NTNG1: variants seen among roughly 807,000 people sequenced by gnomAD.
NTNG1 encodes the protein netrin G1, also known as netrin-G1.
Under a neutral mutation model 54.0 loss-of-function variants are expected in NTNG1, and 16 were observed. The observed-to-expected ratio is 0.30, with a 90% confidence interval of 0.20 to 0.45. The LOEUF is 0.45. Ranked by LOEUF, NTNG1 falls within the 20% of genes least tolerant of loss-of-function variation. NTNG1 has a pLI of 1.00. For synonymous variants in NTNG1, 255 were observed against 263.1 expected, an observed-to-expected ratio of 0.97 and a Z score of 0.30; for missense variants, 530 against 678.7, an observed-to-expected ratio of 0.78 and a Z score of 2.43.
intron 2 of NTNG1, among the ~76,000 whole-genome samples, chr1:107,153,391 ATCT>A (rs1654735130): frequency 6.6e-6 from 1 of 152,224 alleles, no homozygotes; most frequent in Non-Finnish European, 1.5e-5. Context: ...TAATCAAATA[ATCT>A]TAAAAATACA....
intron 3 of NTNG1, among the ~76,000 whole-genome samples, chr1:107,389,522 G>A (rs2101066274): frequency 6.6e-6 from 1 of 152,308 alleles, no homozygotes; most frequent in East Asian, 1.9e-4. Flanking sequence ...AGATTAAATT[G>A]ACTCATGACA....
chr1:107,243,775 C>T (rs920809159), intron 2 of NTNG1, among the ~76,000 whole-genome samples: 2 of 151,504 alleles, frequency 1.3e-5, no homozygotes, highest in East Asian at 3.9e-4. Flanking sequence ...TGAGAGTTTT[C>T]GTTTTTTTTT....
chr1:107,280,209 A>G (rs1450963407), intron 2 of NTNG1, among the ~76,000 whole-genome samples: 2 of 121,978 alleles, frequency 1.6e-5, no homozygotes, highest in Admixed American at 9.9e-5. Flanking sequence ...GGGCCTCTCA[A>G]TCTGAAGGTT....
At chr1:107,389,491 G>A (rs1388063699) in intron 3 of NTNG1, among the ~76,000 whole-genome samples, 2 of 152,222 alleles carry the variant, frequency 1.3e-5, no homozygotes, top group Non-Finnish European at 2.9e-5. Flanking sequence ...AGAACTAAAT[G>A]TTGGAGCATT....
At chr1:107,361,410 A>G (rs1363944735) in intron 3 of NTNG1, among the ~76,000 whole-genome samples, 1 of 65,534 alleles carries the variant, frequency 1.5e-5, no homozygotes, top group South Asian at 4.0e-4. Context: ...TTTTTTTGAG[A>G]CACAGTTTCG....
At chr1:107,261,581 C>T (rs1192959653) in intron 2 of NTNG1, among the ~76,000 whole-genome samples, 2 of 152,214 alleles carry the variant, frequency 1.3e-5, no homozygotes, top group African/African-American at 4.8e-5. Context: ...CGGTGGCTCA[C>T]GCCTGTAATC....
intron 5 of NTNG1, among the ~76,000 whole-genome samples, chr1:107,428,029 A>C (rs1675011429): frequency 6.6e-6 from 1 of 152,108 alleles, no homozygotes; most frequent in South Asian, 2.1e-4. Flanking sequence ...ACTCAGATAA[A>C]GTTTTATCAG....
chr1:107,471,711 A>G (rs1677992671), intron 7 of NTNG1, among the ~76,000 whole-genome samples: 1 of 152,212 alleles, frequency 6.6e-6, no homozygotes. Context: ...TTTTGACCCC[A>G]TGCTTGCTCA....
intron 2 of NTNG1, among the ~76,000 whole-genome samples, chr1:107,287,882 A>G (rs1665299261): frequency 6.6e-6 from 1 of 152,152 alleles, no homozygotes; most frequent in Non-Finnish European, 1.5e-5. Flanking sequence ...ATATAAGGTA[A>G]TATAAGATAA....
Position 107,227,844 on chromosome 1 carries a change from T to A in NTNG1, c.246+79005T>A, listed in dbSNP as rs140138030. ...ATCTCATTCAAAGATACTTTTTCAC[T>A]GAAATTTCAACAGAACGTCATTGTG... On this transcript the variant is annotated intron_variant, in intron 2 of 7. Transcript: ENST00000370068. Among the ~76,000 whole-genome samples the A allele has an allele frequency of 3.7e-3, 563 of 152,280 alleles. 4 individuals are homozygous for A. The highest frequency in any genetic ancestry group is 0.02 in the South Asian group (96 of 4,828).
intron 2 of NTNG1, among the ~76,000 whole-genome samples, chr1:107,236,820 G>T (rs142182716): frequency 4.6e-5 from 7 of 152,060 alleles, no homozygotes; most frequent in Non-Finnish European, 8.8e-5. Flanking sequence ...GCCTTCTGCC[G>T]TAATTGTGAG....
At chr1:107,478,241 G>A (rs894956547) in intron 7 of NTNG1, among the ~76,000 whole-genome samples, 1 of 152,184 alleles carries the variant, frequency 6.6e-6, no homozygotes, top group African/African-American at 2.4e-5. Context: ...ACACAATCAA[G>A]AGACCAAATG....
At chr1:107,470,405 T>C (rs1677906758) in intron 7 of NTNG1, among the ~76,000 whole-genome samples, 1 of 152,228 alleles carries the variant, frequency 6.6e-6, no homozygotes, top group African/African-American at 2.4e-5. Context: ...TTAAAATTAC[T>C]AAAGTTTATT....
intron 3 of NTNG1, among the ~76,000 whole-genome samples, chr1:107,393,063 A>G (rs1214350022): frequency 6.6e-6 from 1 of 152,224 alleles, no homozygotes; most frequent in Non-Finnish European, 1.5e-5. Context: ...TTCAAAGAAT[A>G]TCTTCTCAGC....
intron 2 of NTNG1, among the ~76,000 whole-genome samples, chr1:107,247,651 G>A (rs997136068): frequency 2.0e-5 from 3 of 152,022 alleles, no homozygotes; most frequent in South Asian, 2.1e-4. Context: ...TTTCTTTGTC[G>A]GGTTCCTGAA....
chr1:107,333,345 T>C (rs1668391451), intron 3 of NTNG1, among the ~76,000 whole-genome samples: 1 of 151,998 alleles, frequency 6.6e-6, no homozygotes, highest in Non-Finnish European at 1.5e-5. Flanking sequence ...TTATACTATT[T>C]TACTGTTTCT....
At chr1:107,211,733 T>A (rs1456069911) in intron 2 of NTNG1, among the ~76,000 whole-genome samples, 2 of 152,180 alleles carry the variant, frequency 1.3e-5, no homozygotes, top group Non-Finnish European at 2.9e-5. Context: ...CCAGTACATT[T>A]TATGACACCT....
chr1:107,388,178 TCAGA>T (rs1672133657), intron 3 of NTNG1, among the ~76,000 whole-genome samples: 1 of 152,150 alleles, frequency 6.6e-6, no homozygotes, highest in Admixed American at 6.5e-5. Flanking sequence ...ACAGAATGAA[TCAGA>T]CAGCCCAAGT....
intron 2 of NTNG1, among the ~76,000 whole-genome samples, chr1:107,186,346 C>T (rs1344391535): frequency 1.3e-5 from 2 of 152,096 alleles, no homozygotes; most frequent in Non-Finnish European, 2.9e-5. Context: ...TCTTCTAAAC[C>T]ACTCAGCACC....
Sources: gnomAD v4.1 joint callset for allele counts (sites outside exome capture counted in the v4.1 genomes callset) on GRCh38, gnomAD v4.1.1 for gene constraint, MANE v1.5 for transcripts, NCBI Gene and HGNC (gene_info 2026-07-23, HGNC 2026-07-21) for gene names.